The following SETD3 variants were observed in gnomAD, a reference collection of about 807,000 sequenced individuals.
SETD3 encodes actin-histidine N-methyltransferase.
A neutral mutation model predicts 63.0 loss-of-function variants in SETD3; 19 were observed. The ratio of observed to expected loss-of-function variants is 0.30; its 90% confidence interval spans 0.21 to 0.44. The LOEUF (loss-of-function observed/expected upper bound fraction) is 0.44. Among genes scored for constraint, SETD3 ranks in the 20% least tolerant of loss-of-function variants. The pLI is 1.00. For synonymous variants in SETD3, 286 were observed against 264.1 expected, an observed-to-expected ratio of 1.08 and a Z score of -0.80; for missense variants, 587 against 728.5, an observed-to-expected ratio of 0.81 and a Z score of 2.24.
chr14:99,407,002 T>C (rs749822785), intron 8 of SETD3, among the ~76,000 whole-genome samples: 5 of 152,256 alleles, frequency 3.3e-5, no homozygotes, highest in Non-Finnish European at 5.9e-5. Context: ...GCAAGTATTA[T>C]CTTTATCTAA....
At chr14:99,469,282 C>T (rs981576599) in intron 1 of SETD3, among the ~76,000 whole-genome samples, 1 of 152,190 alleles carries the variant, frequency 6.6e-6, no homozygotes, top group African/African-American at 2.4e-5. Context: ...TGCTAGAACG[C>T]AATCTTCAAA....
chr14:99,442,391 C>T lies in SETD3; in HGVS notation c.675+15888G>A, dbSNP rs139601283. ...ATGAGAATGAAGGAAAGTCCTTGTCCTCAGTGGGCTTACATTCAAGTTGGG... is the reference window on the plus strand; with the variant it reads ...ATGAGAATGAAGGAAAGTCCTTGTCTTCAGTGGGCTTACATTCAAGTTGGG... On this transcript the variant is annotated intron_variant, in intron 6 of 12. Coordinates refer to ENST00000331768, the MANE Select transcript of SETD3 (RefSeq NM_032233.3). Among the ~76,000 whole-genome samples the T allele has an allele frequency of 4.1e-3, 619 of 152,280 alleles. 3 individuals are homozygous for T. Among genetic ancestry groups the T allele is most frequent in the African/African-American group, 0.013 (557 of 41,542 alleles).
intron 6 of SETD3, among the ~76,000 whole-genome samples, chr14:99,419,355 T>C (rs2139658652): frequency 6.6e-6 from 1 of 152,354 alleles, no homozygotes; most frequent in East Asian, 1.9e-4. Context: ...ATAACATTGT[T>C]CAATAAATTT....
chr14:99,417,252 G>A (rs982496348), intron 6 of SETD3, among the ~76,000 whole-genome samples: 11 of 152,072 alleles, frequency 7.2e-5, no homozygotes, highest in Admixed American at 2.6e-4. Context: ...ACAATATTCC[G>A]GCTTTAAAAA....
intron 8 of SETD3, among the ~76,000 whole-genome samples, 153 bp from the exon 9 acceptor site, chr14:99,406,743 C>T (rs943091017): frequency 6.6e-6 from 1 of 152,230 alleles, no homozygotes; most frequent in Non-Finnish European, 1.5e-5. Context: ...GGGCAAAGAA[C>T]TGCTTGAGCA....
At chr14:99,412,829 T>G in intron 8 of SETD3, 122 bp downstream of exon 8, 1 of 701,114 alleles carries the variant, frequency 1.4e-6, no homozygotes, top group Non-Finnish European at 2.6e-6. Context: ...CGGTTTTGTT[T>G]GTTCCTTTTG....
At chr14:99,407,841 C>T (rs974305099) in intron 8 of SETD3, among the ~76,000 whole-genome samples, 1 of 152,216 alleles carries the variant, frequency 6.6e-6, no homozygotes, top group African/African-American at 2.4e-5. Flanking sequence ...CCTTGTTGAT[C>T]TCTGTGTCCC....
intron 1 of SETD3, among the ~76,000 whole-genome samples, chr14:99,466,806 T>C (rs1345466133): frequency 6.6e-6 from 1 of 152,056 alleles, no homozygotes; most frequent in Non-Finnish European, 1.5e-5. Context: ...GCTAAGATCA[T>C]GACCAAGGAA....
intron 8 of SETD3, among the ~76,000 whole-genome samples, chr14:99,408,903 C>T (rs1891825442): frequency 6.6e-6 from 1 of 152,192 alleles, no homozygotes; most frequent in Admixed American, 6.5e-5. Context: ...GCAGAGCCCT[C>T]CCAGGGTGGG....
intron 1 of SETD3, among the ~76,000 whole-genome samples, chr14:99,468,150 C>CTAATAAAAAAA (rs1895497530): frequency 8.1e-6 from 1 of 123,178 alleles, no homozygotes. Context: ...TGTTTAAATA[C>CTAATAAAAAAA]AGATTTAAAA....
intron 3 of SETD3, among the ~76,000 whole-genome samples, chr14:99,462,901 C>T (rs1895151416): frequency 6.6e-6 from 1 of 152,176 alleles, no homozygotes; most frequent in Non-Finnish European, 1.5e-5. Context: ...CCATGTGGTC[C>T]TGCATAATAA....
chr14:99,415,740 C>T (rs574542524), intron 6 of SETD3, among the ~76,000 whole-genome samples: 2 of 152,178 alleles, frequency 1.3e-5, no homozygotes, highest in Non-Finnish European at 2.9e-5. Flanking sequence ...GGTGTACACA[C>T]TGTACATAAA....
At chr14:99,474,184 G>C (rs1467111422) in intron 1 of SETD3, among the ~76,000 whole-genome samples, 1 of 152,160 alleles carries the variant, frequency 6.6e-6, no homozygotes. Context: ...AATTAGCCTG[G>C]TATGGTGGCA....
intron 6 of SETD3, among the ~76,000 whole-genome samples, chr14:99,435,388 A>T (rs1893421155): frequency 6.6e-6 from 1 of 152,218 alleles, no homozygotes; most frequent in South Asian, 2.1e-4. Flanking sequence ...GCTGTTATTC[A>T]AGTATTTTAT....
intron 1 of SETD3, among the ~76,000 whole-genome samples, chr14:99,472,191 A>C (rs1259460777): frequency 1.3e-5 from 2 of 152,222 alleles, no homozygotes; most frequent in Admixed American, 6.5e-5. Context: ...GGAAACCAAG[A>C]CTCACACTCA....
chr14:99,482,454 T>C (rs572707090), upstream of SETD3, among the ~76,000 whole-genome samples: 1 of 152,286 alleles, frequency 6.6e-6, no homozygotes, highest in East Asian at 1.9e-4. Context: ...TGGATGATGG[T>C]AGTGGTAGTA....
intron 6 of SETD3, among the ~76,000 whole-genome samples, chr14:99,425,607 G>C (rs1195250207): frequency 3.9e-5 from 6 of 152,230 alleles, no homozygotes; most frequent in African/African-American, 1.4e-4. Flanking sequence ...AGGTGCAGAA[G>C]GGATTATCTC....
intron 8 of SETD3, chr14:99,411,575 T>A (rs1891992581): frequency 6.6e-6 from 1 of 152,148 alleles, no homozygotes; most frequent in Non-Finnish European, 1.5e-5. Flanking sequence ...TTGCTTTAAT[T>A]TTATTAAAAA....
Position 99,461,187 on chromosome 14 carries a change from C to T in SETD3, c.345+5G>A. 6.2e-7 allele frequency: 1 copy of T among 1,613,678 alleles called. No homozygotes were observed. The highest frequency in any genetic ancestry group is 8.5e-7 in the Non-Finnish European group (1 of 1,179,880). On this transcript the variant is annotated splice_donor_5th_base_variant and intron_variant, in intron 4 of 12. Coordinates refer to ENST00000331768, the MANE Select transcript of SETD3 (RefSeq NM_032233.3). The stretch of plus-strand genomic sequence containing the variant: ...CCCCTTGAGACCAACATTTTATAAA[C>T]TCACCTTGATATCTCTTGTTGCTCT...
Sources: gnomAD v4.1 joint callset for allele counts (sites outside exome capture counted in the v4.1 genomes callset) on GRCh38, gnomAD v4.1.1 for gene constraint, MANE v1.5 for transcripts, NCBI Gene and HGNC (gene_info 2026-07-23, HGNC 2026-07-21) for gene names.